The following AHCTF1 variants were observed in gnomAD, a reference collection of about 807,000 sequenced individuals.
AHCTF1 encodes AT-hook containing transcription factor 1.
In AHCTF1, 24 loss-of-function variants were observed where a neutral mutation model predicts 248.4. That is an observed-to-expected ratio of 0.10 (90% CI 0.07 to 0.14). AHCTF1 has a LOEUF of 0.14. Ranked by LOEUF, AHCTF1 falls within the 10% of genes least tolerant of loss-of-function variation. The pLI is 1.00. For missense variants in AHCTF1, 2,206 were observed against 2,636.2 expected, an observed-to-expected ratio of 0.84 and a Z score of 3.57; for synonymous variants, 786 against 929.8, an observed-to-expected ratio of 0.85 and a Z score of 2.81.
In AHCTF1 at chr1:246,840,250, T is replaced by A. The variant is rs1399219765; in HGVS notation, c.*556A>T. ...CTTGGATTATTCATTTGAGGTAGAT[T>A]ACACAAAATTTGTGAAACTACAAAG... On this transcript the variant is annotated 3_prime_UTR_variant, in exon 36 of 36. Transcript: ENST00000648844. 6.6e-6 allele frequency: 1 copy of A among 152,632 alleles called. No homozygotes were observed. Among genetic ancestry groups the A allele is most frequent in the African/African-American group, 2.4e-5 (1 of 41,446 alleles). The allele number at this position is 152,632 out of a possible 1,614,324, so 9.5% of individuals were successfully genotyped here.
At position 246,850,640 on chromosome 1, in the gene AHCTF1, A is replaced by T. The variant is rs776164245; in HGVS notation, c.5366T>A (p.Ile1789Asn). Residue 1789 changes from isoleucine to asparagine, a missense_variant, in exon 33 of 36, where the codon ATC becomes AAC. Coordinates refer to ENST00000648844, the MANE Select transcript of AHCTF1 (RefSeq NM_001323342.2). The stretch of plus-strand genomic sequence containing the variant: ...AGATAGTCCTCTGACATCAGAATAG[A>T]TGTTTTCAGAAGCTTCAGAAATTTC... ...AKEISEASEN[I>N]YSDVRGLSQN... 1.2e-6 allele frequency: 2 copies of T among 1,613,722 alleles called. No individual in the cohort carries two copies. Among genetic ancestry groups the T allele is most frequent in the African/African-American group, 2.7e-5 (2 of 74,882 alleles).
At chr1:246,869,601 T>A (rs962409447) in intron 24 of AHCTF1, among the ~76,000 whole-genome samples, 1 of 151,972 alleles carries the variant, frequency 6.6e-6, no homozygotes, top group South Asian at 2.1e-4. Flanking sequence ...TTAAAAATGA[T>A]GGGAAATCTA....
intron 31 of AHCTF1, 27 bp from the exon 32 acceptor site, chr1:246,853,326 A>C (rs1406495662): frequency 2.5e-6 from 4 of 1,568,738 alleles, no homozygotes; most frequent in South Asian, 2.3e-5. Context: ...TGAATTTTTT[A>C]CATTTAAACT....
At position 246,862,143 on chromosome 1, in the gene AHCTF1, C is replaced by A. The variant is rs1398585276; in HGVS notation, c.3551G>T (p.Ser1184Ile). 1 of 1,607,192 alleles carries A rather than the reference C, an allele frequency of 6.2e-7. No individual in the cohort carries two copies. The highest frequency in any genetic ancestry group is 1.7e-5 in the Admixed American group (1 of 58,266). Reference protein sequence around the residue: ...ETPLVVKKAKSLAMSVTTSGF... With the variant: ...ETPLVVKKAKILAMSVTTSGF... ...AGAAGTAGTAACTGACATGGCCAAA[C>A]TTTTAGCTTTCTATAGTAAAGAGCA... The change falls in exon 28 of 36, where the codon AGT (serine) becomes ATT (isoleucine). Residue 1184 changes from serine to isoleucine, a missense_variant. Transcript: ENST00000648844.
chr1:246,850,917 T>C lies in AHCTF1; in HGVS notation c.5089A>G (p.Ile1697Val), dbSNP rs1558211844. Residue 1697 changes from isoleucine to valine, a missense_variant, in exon 33 of 36, where the codon ATA (isoleucine) becomes GTA (valine). Around this residue, in one of 6 missense-constraint regions of AHCTF1, gnomAD observed 955 missense variants for 1,055.6 expected, o/e 0.90. Transcript: ENST00000648844. ...DTMEQSIHET[I>V]PLVSQNIMCP... ...ATTATGTTTTGGCTCACTAAAGGTA[T>C]TGTTTCATGAATGGACTGTTCCATT... 18 of 1,613,984 alleles carry C rather than the reference T, an allele frequency of 1.1e-5. No individual in the cohort carries two copies. Among genetic ancestry groups the C allele is most frequent in the Non-Finnish European group, 1.4e-5 (17 of 1,179,862 alleles).
chr1:246,895,476 G>C (rs193278154), intron 13 of AHCTF1, among the ~76,000 whole-genome samples: 1 of 152,162 alleles, frequency 6.6e-6, no homozygotes, highest in Non-Finnish European at 1.5e-5. Flanking sequence ...AATTCCTAGA[G>C]AATTTTGCTG....
chr1:246,911,747 G>C (rs1665821029), intron 4 of AHCTF1, among the ~76,000 whole-genome samples: 1 of 152,192 alleles, frequency 6.6e-6, no homozygotes, highest in African/African-American at 2.4e-5. Flanking sequence ...GCCTCCCAAA[G>C]TGCTGGGATT....
intron 24 of AHCTF1, among the ~76,000 whole-genome samples, chr1:246,870,090 A>G (rs1662470872): frequency 1.3e-5 from 2 of 152,152 alleles, no homozygotes; most frequent in African/African-American, 4.8e-5. Flanking sequence ...GAGGGCTTCA[A>G]GACTTCAGTG....
intron 2 of AHCTF1, 52 bp downstream of exon 2, chr1:246,918,198 T>C (rs1666279132): frequency 4.6e-6 from 7 of 1,508,504 alleles, no homozygotes; most frequent in Non-Finnish European, 5.3e-6. Flanking sequence ...CTTATTATTA[T>C]TTATCTTACA....
chr1:246,930,254 TC>T (rs1287038223), intron 1 of AHCTF1, among the ~76,000 whole-genome samples: 1 of 151,942 alleles, frequency 6.6e-6, no homozygotes, highest in East Asian at 1.9e-4. Flanking sequence ...GCTCAAACGT[TC>T]CCCCCGCCTC....
intron 21 of AHCTF1, among the ~76,000 whole-genome samples, chr1:246,881,790 A>G (rs973801197): frequency 8.8e-5 from 13 of 148,274 alleles, no homozygotes; most frequent in Non-Finnish European, 8.9e-5. Context: ...GTGAGCCAAG[A>G]TCGCACCACT....
At chr1:246,858,337 G>C (rs1165763014) in intron 29 of AHCTF1, among the ~76,000 whole-genome samples, 1 of 152,040 alleles carries the variant, frequency 6.6e-6, no homozygotes, top group African/African-American at 2.4e-5. Context: ...TTGCTGAACA[G>C]GCACTAATGC....
At chr1:246,887,392 A>G in intron 19 of AHCTF1, 35 bp from the exon 20 acceptor site, 11 of 1,572,894 alleles carry the variant, frequency 7.0e-6, no homozygotes, top group Non-Finnish European at 9.5e-6. Context: ...ATAAAATACA[A>G]CAACAAAAAC....
intron 6 of AHCTF1, among the ~76,000 whole-genome samples, chr1:246,905,099 T>C (rs532894904): frequency 2.0e-5 from 3 of 152,362 alleles, no homozygotes; most frequent in Non-Finnish European, 2.9e-5. Flanking sequence ...TTTAAAATAA[T>C]TTCAACTACT....
At chr1:246,885,937 C>T (rs972641705) in intron 20 of AHCTF1, among the ~76,000 whole-genome samples, 5 of 152,110 alleles carry the variant, frequency 3.3e-5, no homozygotes, top group Non-Finnish European at 5.9e-5. Flanking sequence ...CTGTAATCTC[C>T]GCACTTTGGG....
intron 1 of AHCTF1, among the ~76,000 whole-genome samples, chr1:246,925,698 T>C (rs1481968732): frequency 6.6e-6 from 1 of 151,926 alleles, no homozygotes; most frequent in Non-Finnish European, 1.5e-5. Flanking sequence ...GTGTTGGAGG[T>C]GGGGCCTGGT....
At chr1:246,907,801 C>G in intron 4 of AHCTF1, 43 bp from the exon 5 acceptor site, 3 of 1,547,424 alleles carry the variant, frequency 1.9e-6, no homozygotes, top group Non-Finnish European at 2.7e-6. Flanking sequence ...AAACTAGAAA[C>G]AGCATTAAAA....
chr1:246,889,675 T>TA (rs1404600817), intron 17 of AHCTF1, among the ~76,000 whole-genome samples: 1 of 152,222 alleles, frequency 6.6e-6, no homozygotes, highest in African/African-American at 2.4e-5. Context: ...CTAAATGTTA[T>TA]ATGCTTTGTA....
chr1:246,905,612 G>C lies in AHCTF1; in HGVS notation c.810C>G (p.Val270=). The change falls in exon 6 of 36, where the codon GTC becomes GTG. Residue 270 remains valine (V), a synonymous_variant. Coordinates refer to ENST00000648844, the MANE Select transcript of AHCTF1 (RefSeq NM_001323342.2). The part of the protein sequence containing the change: ...LESGQVPVYA[V]TFQEPENDPR... ...GATCATTCTCAGGTTCTTGAAAAGT[G>C]ACAGCATATACAGGAACTTGTCCAC... The C allele has an allele frequency of 6.2e-7, 1 of 1,612,916 alleles. No homozygotes were observed. Among genetic ancestry groups the C allele is most frequent in the Non-Finnish European group, 8.5e-7 (1 of 1,179,974 alleles).
Sources: allele counts gnomAD v4.1 joint callset (sites outside exome capture counted in the v4.1 genomes callset), GRCh38; gene constraint gnomAD v4.1.1; regional missense constraint gnomAD v4.1.1; transcripts MANE v1.5; gene names NCBI Gene and HGNC (gene_info 2026-07-23, HGNC 2026-07-21).